Variants in BRDT observed in about 807,000 individuals in gnomAD.
BRDT encodes the protein bromodomain testis associated, also known as bromodomain testis-specific protein.
A neutral mutation model predicts 113.9 loss-of-function variants in BRDT; 77 were observed. The observed-to-expected ratio is 0.68, with a 90% CI of 0.56 to 0.82. The LOEUF (loss-of-function observed/expected upper bound fraction) is 0.82. Ranked by LOEUF, BRDT falls within the 40% of genes least tolerant of loss-of-function variation. The pLI is 0.00. For missense variants in BRDT, 1,027 were observed against 1,105.4 expected (o/e 0.93, Z 1.01); for synonymous variants, 358 against 366.5 (o/e 0.98, Z 0.26).
At chr1:92,010,025 A>G (rs906640467) in intron 18 of BRDT, among the ~76,000 whole-genome samples, 1 of 151,918 alleles carries the variant, frequency 6.6e-6, no homozygotes, top group Non-Finnish European at 1.5e-5. Context: ...TCTTCTGTAT[A>G]TAGTATGTTT....
chr1:92,008,997 T>A (rs1054938760), intron 18 of BRDT, among the ~76,000 whole-genome samples: 4 of 152,208 alleles, frequency 2.6e-5, no homozygotes, highest in African/African-American at 9.6e-5. Flanking sequence ...TCTTTAGTAA[T>A]TTTTTAGTAT....
intron 4 of BRDT, among the ~76,000 whole-genome samples, chr1:91,971,109 G>T (rs1279600112): frequency 3.3e-5 from 5 of 152,112 alleles, no homozygotes; most frequent in African/African-American, 9.6e-5. Context: ...GTGAGGTGGG[G>T]GTAGGGGAGA....
chr1:92,011,081 AGCCATTG>A (rs1315984917), intron 18 of BRDT, among the ~76,000 whole-genome samples: 1 of 152,228 alleles, frequency 6.6e-6, no homozygotes, highest in Non-Finnish European at 1.5e-5. Flanking sequence ...AGAAGAGAAC[AGCCATTG>A]GCTTTAGCTA....
intron 18 of BRDT, among the ~76,000 whole-genome samples, chr1:92,007,327 C>A (rs1415778940): frequency 6.6e-6 from 1 of 151,990 alleles, no homozygotes; most frequent in African/African-American, 2.4e-5. Context: ...CAGATTATTT[C>A]TTCACCCAGG....
intron 13 of BRDT, among the ~76,000 whole-genome samples, chr1:91,992,013 A>G (rs1430604099): frequency 5.5e-5 from 8 of 146,124 alleles, no homozygotes; most frequent in East Asian, 3.9e-4. Flanking sequence ...AAAAAAAAAA[A>G]AAAAAGAAAA....
chr1:92,008,956 A>C (rs1156600382), intron 18 of BRDT, among the ~76,000 whole-genome samples: 2 of 152,202 alleles, frequency 1.3e-5, no homozygotes, highest in Non-Finnish European at 2.9e-5. Flanking sequence ...GTATCACCTC[A>C]CCTTTTGTGG....
At position 91,980,638 on chromosome 1, in the gene BRDT, A is replaced by T. The variant is rs1354657154; in HGVS notation, c.1288-5A>T. ...AATGTTTACAGATTTTTTTTCTTTT[A>T]TCAGCTTAAAGCTGTACATCAACAG... On this transcript the variant is annotated splice_polypyrimidine_tract_variant and splice_region_variant and intron_variant, in intron 8 of 18. Transcript: ENST00000399546. 1.4e-6 allele frequency: 2 copies of T among 1,428,798 alleles called. No individual in the cohort carries two copies. Among genetic ancestry groups the T allele is most frequent in the Non-Finnish European group, 1.8e-6 (2 of 1,089,576 alleles). 88.5% of individuals were successfully genotyped at this position (1,428,798 alleles called of 1,614,324 possible).
intron 4 of BRDT, among the ~76,000 whole-genome samples, chr1:91,974,825 A>G (rs1231942419): frequency 6.6e-6 from 1 of 152,078 alleles, no homozygotes; most frequent in Admixed American, 6.6e-5. Context: ...ATAAAGACAC[A>G]TGCACACATA....
intron 12 of BRDT, among the ~76,000 whole-genome samples, chr1:91,990,287 G>A (rs1685640283): frequency 6.6e-6 from 1 of 152,198 alleles, no homozygotes; most frequent in African/African-American, 2.4e-5. Flanking sequence ...TATAGCTGAG[G>A]CTGCCAAATA....
chr1:91,983,430 A>G (rs1684898592), intron 12 of BRDT, among the ~76,000 whole-genome samples: 1 of 151,258 alleles, frequency 6.6e-6, no homozygotes, highest in South Asian at 2.1e-4. Context: ...AATTTTTTGT[A>G]TTTTTAGTAG....
chr1:91,976,903 G>C, intron 5 of BRDT, 140 bp from the exon 6 acceptor site: 1 of 649,128 alleles, frequency 1.5e-6, no homozygotes, highest in Non-Finnish European at 2.5e-6. Context: ...TTAATACATG[G>C]ATTGACAACA....
intron 1 of BRDT, among the ~76,000 whole-genome samples, chr1:91,955,713 A>G (rs956418953): frequency 6.6e-6 from 1 of 152,250 alleles, no homozygotes; most frequent in East Asian, 1.9e-4. Context: ...TGGATACATT[A>G]TAAAAGGGAA....
intron 13 of BRDT, 64 bp downstream of exon 13, chr1:91,991,309 A>G: frequency 1.1e-6 from 1 of 879,184 alleles, no homozygotes; most frequent in Non-Finnish European, 1.7e-6. Flanking sequence ...GTATAGTAGT[A>G]GCTTTCTTTA....
chr1:91,974,451 C>A (rs575955685), intron 4 of BRDT, among the ~76,000 whole-genome samples: 2 of 152,114 alleles, frequency 1.3e-5, no homozygotes, highest in Admixed American at 6.5e-5. Flanking sequence ...AAAAAACAAC[C>A]CCATCAAAAA....
At chr1:91,954,709 A>G (rs1681539020) in intron 1 of BRDT, among the ~76,000 whole-genome samples, 1 of 152,166 alleles carries the variant, frequency 6.6e-6, no homozygotes, top group Non-Finnish European at 1.5e-5. Flanking sequence ...TAATCCCAGC[A>G]CTTTGGGAGG....
intron 12 of BRDT, among the ~76,000 whole-genome samples, chr1:91,984,906 T>G (rs892768867): frequency 2.6e-5 from 4 of 152,192 alleles, no homozygotes; most frequent in Non-Finnish European, 5.9e-5. Flanking sequence ...CCCAAAGTGC[T>G]GGGATTACAG....
intron 8 of BRDT, 50 bp downstream of exon 8, chr1:91,979,807 T>C (rs778272170): frequency 6.0e-6 from 9 of 1,512,262 alleles, no homozygotes; most frequent in African/African-American, 1.4e-5. Flanking sequence ...GCTGCTAATC[T>C]ATCAGGAAAT....
At position 92,014,302 on chromosome 1, in the gene BRDT, TTAAAA is replaced by T. The variant is rs141601901; in HGVS notation, c.*30_*34del. 2,379 of 1,446,034 alleles carry T rather than the reference TTAAAA, an allele frequency of 1.6e-3. 35 individuals are homozygous for T. In the African/African-American group the frequency reaches 0.03, roughly 18 times the overall value. The allele number at this position is 1,446,034 out of a possible 1,614,324, so 89.6% of individuals were successfully genotyped here. A position where few individuals can be genotyped will look rare whatever the true frequency, so the allele number is the denominator to read the frequency against. Reference sequence around the variant, plus strand: ...CTCAGTTTTTAAATTAACCATCAACTTAAAATGAATGGTAAAAGATCAAAATGCAT... The same window carrying T: ...CTCAGTTTTTAAATTAACCATCAACTTGAATGGTAAAAGATCAAAATGCAT... On this transcript the variant is annotated 3_prime_UTR_variant, in exon 19 of 19. Transcript: ENST00000399546.
intron 1 of BRDT, among the ~76,000 whole-genome samples, chr1:91,952,915 G>T (rs184726597): frequency 2.0e-5 from 3 of 152,108 alleles, no homozygotes; most frequent in Admixed American, 2.0e-4. Flanking sequence ...CAAATGAGAA[G>T]ATTGAGTCAT....
Sources: allele counts gnomAD v4.1 joint callset (sites outside exome capture counted in the v4.1 genomes callset), GRCh38; gene constraint gnomAD v4.1.1; transcripts MANE v1.5; gene names NCBI Gene and HGNC (gene_info 2026-07-23, HGNC 2026-07-21).